The following DACH1 variants were observed in gnomAD, a reference collection of about 807,000 sequenced individuals.
The protein encoded by DACH1 is dachshund homolog 1.
Under a neutral mutation model 54.2 loss-of-function variants are expected in DACH1, and 12 were observed. The observed-to-expected ratio is 0.22, with a 90% CI of 0.14 to 0.36. The LOEUF is 0.36. DACH1 is among the 10% of genes least tolerant of loss of function. DACH1 has a pLI of 1.00. For synonymous variants in DACH1, 386 were observed against 366.2 expected (o/e 1.05, Z -0.62); for missense variants, 805 against 929.8 (o/e 0.87, Z 1.75).
At chr13:71,631,869 CA>C (rs1460611948) in intron 2 of DACH1, among the ~76,000 whole-genome samples, 13 of 152,142 alleles carry the variant, frequency 8.5e-5, no homozygotes, top group African/African-American at 3.1e-4. Flanking sequence ...GAGGCAGAGA[CA>C]GGCGGATCCC....
intron 6 of DACH1, among the ~76,000 whole-genome samples, chr13:71,494,122 G>A (rs961092388): frequency 6.6e-6 from 1 of 152,054 alleles, no homozygotes; most frequent in African/African-American, 2.4e-5. Context: ...CTAGAATACT[G>A]TTATTTTTTA....
At chr13:71,715,199 A>C (rs1307382714) in intron 1 of DACH1, among the ~76,000 whole-genome samples, 1 of 152,090 alleles carries the variant, frequency 6.6e-6, no homozygotes, top group East Asian at 1.9e-4. Context: ...GCCTCTGAAT[A>C]GTAGAGACAA....
chr13:71,481,217 G>A (rs915984352), intron 7 of DACH1, among the ~76,000 whole-genome samples: 2 of 152,202 alleles, frequency 1.3e-5, no homozygotes, highest in African/African-American at 4.8e-5. Context: ...GCAATGTCTA[G>A]AGATTATTTA....
At chr13:71,647,893 G>A (rs1878400394) in intron 2 of DACH1, among the ~76,000 whole-genome samples, 1 of 152,210 alleles carries the variant, frequency 6.6e-6, no homozygotes. Flanking sequence ...ATGCTCAACA[G>A]TTAACCTGCA....
intron 3 of DACH1, among the ~76,000 whole-genome samples, chr13:71,629,406 T>C (rs547832706): frequency 3.7e-4 from 57 of 152,288 alleles, no homozygotes; most frequent in African/African-American, 1.3e-3. Flanking sequence ...CTTACATAGT[T>C]GTGCTGAAAA....
intron 2 of DACH1, among the ~76,000 whole-genome samples, chr13:71,649,047 A>G (rs1377815287): frequency 5.3e-5 from 8 of 152,230 alleles, no homozygotes; most frequent in Admixed American, 4.6e-4. Flanking sequence ...CATGCACTGC[A>G]TAATGATGTT....
intron 1 of DACH1, among the ~76,000 whole-genome samples, chr13:71,693,755 C>G (rs1881659894): frequency 3.3e-5 from 5 of 151,998 alleles, no homozygotes; most frequent in Admixed American, 3.3e-4. Context: ...TATACTTGTT[C>G]TATTTTATTC....
In DACH1 at chr13:71,722,701, T is replaced by C. The variant is rs1169264883; in HGVS notation, c.849-40791A>G. Among the ~76,000 whole-genome samples the C allele has an allele frequency of 2.0e-5, 3 of 152,312 alleles. No homozygotes were observed. The East Asian group carries it at 5.8e-4, about 29-fold the overall frequency. ...TGAAAAGCCAGACACACAGTATCAT[T>C]CAGTTTCAAAAGTTGAGGAAAGAGC... is the stretch of plus-strand genomic sequence containing the variant. On this transcript the variant is annotated intron_variant, in intron 1 of 10. Coordinates refer to ENST00000613252, the MANE Select transcript of DACH1 (RefSeq NM_080759.6).
intron 1 of DACH1, among the ~76,000 whole-genome samples, chr13:71,779,158 C>T (rs1180280272): frequency 1.3e-4 from 10 of 78,178 alleles, no homozygotes; most frequent in South Asian, 5.8e-4. Context: ...CACATATATA[C>T]GTATATACGT....
Position 71,469,964 on chromosome 13 carries a change from T to A in DACH1, c.2083+5177A>T, listed in dbSNP as rs187232992. Among the ~76,000 whole-genome samples the A allele has an allele frequency of 2.6e-4, 40 of 152,322 alleles. No homozygotes were observed. In the East Asian group the frequency reaches 3.3e-3, roughly 12 times the overall value. On this transcript the variant is annotated intron_variant, in intron 10 of 10. Coordinates refer to ENST00000613252, the MANE Select transcript of DACH1 (RefSeq NM_080759.6). ...AAAAGAGTTGTACTTTCAAGTGAAG[T>A]CAAGATTTTGCAAGCACAACTTGCA...
rs1188928078 is a variant in DACH1, at chr13:71,489,100, A to T, written c.1619T>A (p.Leu540His). The T allele has an allele frequency of 6.2e-7, 1 of 1,613,732 alleles. No homozygotes were observed. The highest frequency in any genetic ancestry group is 1.7e-5 in the Admixed American group (1 of 59,988). ...TPTARDSLDK[L>H]SLTGHGQPLP... ...TGGTTGTCCATGCCCAGTTAGAGAG[A>T]GTTTGTCAAGGCTGTCTCTTGCGGT... Residue 540 changes from leucine (L) to histidine (H), a missense_variant, in exon 7 of 11, where the codon CTC becomes CAC. Coordinates refer to ENST00000613252, the MANE Select transcript of DACH1 (RefSeq NM_080759.6).
intron 6 of DACH1, among the ~76,000 whole-genome samples, chr13:71,552,874 GAGAGAGAAAGAGAC>G (rs1249285224): frequency 2.5e-4 from 32 of 130,172 alleles, no homozygotes; most frequent in Non-Finnish European, 4.4e-4. Flanking sequence ...GAGAGAGAGA[GAGAGAGAAAGAGAC>G]AGAACTAATA....
intron 3 of DACH1, among the ~76,000 whole-genome samples, chr13:71,620,416 G>C (rs542217640): frequency 6.6e-6 from 1 of 151,900 alleles, no homozygotes; most frequent in South Asian, 2.1e-4. Flanking sequence ...TATTGAAATT[G>C]ATTTTGAAAA....
intron 4 of DACH1, among the ~76,000 whole-genome samples, chr13:71,568,409 G>C (rs1280551168): frequency 5.3e-5 from 8 of 151,954 alleles, no homozygotes; most frequent in Non-Finnish European, 7.4e-5. Context: ...TGGTGTGATA[G>C]AGGGTGACTT....
chr13:71,605,563 A>C lies in DACH1; in HGVS notation c.1126+24993T>G, dbSNP rs938673268. Among the ~76,000 whole-genome samples the C allele has an allele frequency of 4.6e-5, 7 of 151,948 alleles. No homozygotes were observed. In the East Asian group the frequency reaches 1.4e-3, roughly 29 times the overall value. ...ACAGTGTGAATATTTATAATTGATT[A>C]CTTTTCATATAATAAAACATGTATG... On this transcript the variant is annotated intron_variant, in intron 3 of 10. Coordinates refer to ENST00000613252, the MANE Select transcript of DACH1 (RefSeq NM_080759.6).
At chr13:71,695,244 C>G (rs1393083895) in intron 1 of DACH1, among the ~76,000 whole-genome samples, 3 of 152,160 alleles carry the variant, frequency 2.0e-5, no homozygotes, top group Non-Finnish European at 4.4e-5. Context: ...GACCTTAGAT[C>G]TGATGACTCA....
chr13:71,619,700 G>A (rs1242109313), intron 3 of DACH1, among the ~76,000 whole-genome samples: 1 of 151,892 alleles, frequency 6.6e-6, no homozygotes, highest in Non-Finnish European at 1.5e-5. Flanking sequence ...AAGTTAATGA[G>A]AGATTCTTGG....
At chr13:71,511,300 T>G (rs1566307056) in intron 6 of DACH1, among the ~76,000 whole-genome samples, 1 of 151,892 alleles carries the variant, frequency 6.6e-6, no homozygotes, top group Admixed American at 6.6e-5. Context: ...AGAAAAAAAT[T>G]TGTGGGAATT....
At chr13:71,852,215 G>C (rs562270721) in intron 1 of DACH1, among the ~76,000 whole-genome samples, 1 of 152,162 alleles carries the variant, frequency 6.6e-6, no homozygotes, top group Admixed American at 6.5e-5. Flanking sequence ...GTGACTACCC[G>C]CTGCTTAACA....
Sources: allele counts gnomAD v4.1 joint callset (sites outside exome capture counted in the v4.1 genomes callset), GRCh38; gene constraint gnomAD v4.1.1; transcripts MANE v1.5; gene names NCBI Gene and HGNC (gene_info 2026-07-23, HGNC 2026-07-21).